LRIG1: variants seen among roughly 807,000 people sequenced by gnomAD.
The protein encoded by LRIG1 is leucine-rich repeats and immunoglobulin-like domains protein 1.
LRIG1 carries 48 observed loss-of-function variants against 99.2 expected under a neutral mutation model. That is an observed-to-expected ratio of 0.48 (90% CI 0.38 to 0.62). The LOEUF (loss-of-function observed/expected upper bound fraction) is 0.62. LRIG1 is among the 20% of genes least tolerant of loss of function. The pLI is 0.00. For missense variants in LRIG1, 1,646 were observed against 1,434.4 expected, an observed-to-expected ratio of 1.15 and a Z score of -2.38; for synonymous variants, 772 against 596.1, an observed-to-expected ratio of 1.29 and a Z score of -4.30.
intron 17 of LRIG1, among the ~76,000 whole-genome samples, chr3:66,381,180 A>ATAGCCCTGGTGAAAAAGTGCTG (rs1559762612): frequency 1.1e-4 from 17 of 152,294 alleles, no homozygotes; most frequent in African/African-American, 3.8e-4. Context: ...TAAGCCTCAA[A>ATAGCCCTGGTGAAAAAGTGCTG]ATAGCCCTGG....
intron 12 of LRIG1, among the ~76,000 whole-genome samples, chr3:66,389,613 C>T (rs1282931359): frequency 2.6e-5 from 4 of 152,116 alleles, no homozygotes; most frequent in African/African-American, 9.7e-5. Flanking sequence ...AGGGTCAATG[C>T]ATCAGAAACA....
At chr3:66,427,333 G>A (rs1321278065) in intron 3 of LRIG1, among the ~76,000 whole-genome samples, 3 of 152,298 alleles carry the variant, frequency 2.0e-5, no homozygotes, top group African/African-American at 4.8e-5. Context: ...ATCACACCTG[G>A]AATCCACACA....
chr3:66,479,829 C>T (rs1401844902), intron 1 of LRIG1, among the ~76,000 whole-genome samples: 2 of 152,188 alleles, frequency 1.3e-5, no homozygotes, highest in African/African-American at 4.8e-5. Context: ...AAATGGGAAC[C>T]TTCATACCCT....
At position 66,451,662 on chromosome 3, in the gene LRIG1, T is replaced by C. The variant is rs376070216; in HGVS notation, c.291-29A>G. 104 of 1,554,226 alleles carry C rather than the reference T, an allele frequency of 6.7e-5. 1 individual carries two copies. In the African/African-American group the frequency reaches 7.9e-4, roughly 12 times the overall value. Reference sequence around the variant, plus strand: ...TAACAACAACAAGAAATTAATCATGTAAGGCATTTGAATTAGTCTGAAATC... The same window carrying C: ...TAACAACAACAAGAAATTAATCATGCAAGGCATTTGAATTAGTCTGAAATC... On this transcript the variant is annotated intron_variant, in intron 2 of 18. Coordinates refer to ENST00000273261, the MANE Select transcript of LRIG1 (RefSeq NM_015541.3).
intron 9 of LRIG1, among the ~76,000 whole-genome samples, chr3:66,403,017 A>G (rs920784668): frequency 6.6e-6 from 1 of 152,162 alleles, no homozygotes; most frequent in African/African-American, 2.4e-5. Flanking sequence ...CCATGATCAT[A>G]TGAGAAGCAT....
intron 7 of LRIG1, among the ~76,000 whole-genome samples, chr3:66,408,426 G>T (rs970348981): frequency 2.0e-5 from 3 of 152,184 alleles, no homozygotes; most frequent in African/African-American, 7.2e-5. Flanking sequence ...TGCCTCTGAG[G>T]TTACCTGGAT....
At chr3:66,496,223 G>A (rs908608791) in intron 1 of LRIG1, among the ~76,000 whole-genome samples, 4 of 152,150 alleles carry the variant, frequency 2.6e-5, no homozygotes, top group Admixed American at 2.0e-4. Context: ...TTGAAAAGCG[G>A]GGCAGGAACA....
At chr3:66,500,153 C>A (rs1319877943) in intron 1 of LRIG1, 37 bp downstream of exon 1, 4 of 1,477,638 alleles carry the variant, frequency 2.7e-6, no homozygotes, top group South Asian at 1.2e-5. Context: ...GTGACAGAGC[C>A]CCGGGGCGCA....
Position 66,474,888 on chromosome 3 carries a change from G to T in LRIG1, c.219-12379C>A, listed in dbSNP as rs1700683536. Among the ~76,000 whole-genome samples, 3 of 152,326 alleles carry T rather than the reference G, an allele frequency of 2.0e-5. No individual in the cohort carries two copies. The South Asian group carries it at 6.2e-4, about 32-fold the overall frequency. On this transcript the variant is annotated intron_variant, in intron 1 of 18. Coordinates refer to ENST00000273261, the MANE Select transcript of LRIG1 (RefSeq NM_015541.3). ...ACCAGCAAAGGTGGTTAAGAGCCTT[G>T]TCAAAAGTCAATTATCAGTAAACTC...
chr3:66,398,853 G>T, intron 10 of LRIG1, 117 bp downstream of exon 10: 1 of 794,976 alleles, frequency 1.3e-6, no homozygotes, highest in South Asian at 1.5e-5. Context: ...GAAGCAGCTG[G>T]TGTTTCCAAA....
chr3:66,420,547 T>C (rs757301100), intron 3 of LRIG1, among the ~76,000 whole-genome samples: 1 of 152,136 alleles, frequency 6.6e-6, no homozygotes, highest in Non-Finnish European at 1.5e-5. Flanking sequence ...CAGCCAAAGG[T>C]GGAACAGCCC....
chr3:66,432,026 T>C (rs887580599), intron 3 of LRIG1, among the ~76,000 whole-genome samples: 4 of 152,210 alleles, frequency 2.6e-5, no homozygotes, highest in Non-Finnish European at 1.5e-5. Flanking sequence ...TAAATTTATA[T>C]TTACAAAGCA....
At position 66,383,360 on chromosome 3, in the gene LRIG1, A is replaced by G. The variant is rs1435910119; in HGVS notation, c.2113T>C (p.Ser705Pro). Residue 705 changes from serine to proline, a missense_variant, in exon 15 of 19, where the codon TCT (serine) becomes CCT (proline). Ser to Pro is a moderately conservative substitution (Grantham distance 74, BLOSUM62 -1). Coordinates refer to ENST00000273261, the MANE Select transcript of LRIG1 (RefSeq NM_015541.3). ...TGGAGGGCCACTGTTTCTCCCACAG[A>G]TACCACACGGTCTTCCAAGGGGACC... The part of the protein sequence containing the change: ...LVVPLEDRVV[S>P]VGETVALQCK... The G allele has an allele frequency of 6.3e-7, 1 of 1,582,740 alleles. No homozygotes were observed. Among genetic ancestry groups the G allele is most frequent in the African/African-American group, 1.3e-5 (1 of 74,560 alleles).
At chr3:66,386,418 C>T (rs1263502560) in intron 12 of LRIG1, 117 bp from the exon 13 acceptor site, 5 of 808,832 alleles carry the variant, frequency 6.2e-6, no homozygotes, top group Non-Finnish European at 8.1e-6. Flanking sequence ...AGCTTGAGGT[C>T]CCTGTGCATC....
intron 3 of LRIG1, among the ~76,000 whole-genome samples, chr3:66,434,866 G>A (rs1703300607): frequency 6.6e-6 from 1 of 151,136 alleles, no homozygotes; most frequent in South Asian, 2.1e-4. Flanking sequence ...TTCTGGAAGA[G>A]TCTGACGGTT....
intron 9 of LRIG1, among the ~76,000 whole-genome samples, chr3:66,404,845 C>T (rs551828786): frequency 6.6e-6 from 1 of 152,328 alleles, no homozygotes; most frequent in African/African-American, 2.4e-5. Context: ...GACCTTTACA[C>T]AACTTTGAGA....
At chr3:66,442,383 C>G (rs1415660906) in intron 3 of LRIG1, among the ~76,000 whole-genome samples, 2 of 152,124 alleles carry the variant, frequency 1.3e-5, no homozygotes, top group African/African-American at 4.8e-5. Flanking sequence ...AGATTAGGTG[C>G]ATATGCACAT....
At position 66,484,925 on chromosome 3, in the gene LRIG1, C is replaced by T. The variant is rs561227289; in HGVS notation, c.218+15265G>A. Among the ~76,000 whole-genome samples the T allele has an allele frequency of 5.1e-4, 78 of 152,156 alleles. 2 individuals carry two copies. The highest frequency in any genetic ancestry group is 4.6e-4 in the Admixed American group (7 of 15,284). Reference sequence around the variant, plus strand: ...ATCCCAGCATTTTGGGAGGCCGAGGCCAGCGATTGCTTGAGCCCAGGTGTT... The same window carrying T: ...ATCCCAGCATTTTGGGAGGCCGAGGTCAGCGATTGCTTGAGCCCAGGTGTT... On this transcript the variant is annotated intron_variant, in intron 1 of 18. Coordinates refer to ENST00000273261, the MANE Select transcript of LRIG1 (RefSeq NM_015541.3).
At chr3:66,383,464 G>C in intron 14 of LRIG1, 63 bp from the exon 15 acceptor site, 1 of 1,403,726 alleles carries the variant, frequency 7.1e-7, no homozygotes, top group Non-Finnish European at 9.7e-7. Context: ...GCTCTGCCCG[G>C]TCTTCTGGAC....
Sources: allele counts gnomAD v4.1 joint callset (sites outside exome capture counted in the v4.1 genomes callset), GRCh38; gene constraint gnomAD v4.1.1; transcripts MANE v1.5; gene names NCBI Gene and HGNC (gene_info 2026-07-23, HGNC 2026-07-21).